GUCY1B1: variants seen among roughly 807,000 people sequenced by gnomAD.
The protein encoded by GUCY1B1 is guanylate cyclase 1 soluble subunit beta 1.
GUCY1B1 carries 43 observed loss-of-function variants against 71.0 expected under a neutral mutation model. That is an observed-to-expected ratio of 0.61 (90% confidence interval 0.47 to 0.78). The LOEUF (loss-of-function observed/expected upper bound fraction) is 0.78. GUCY1B1 is among the 30% of genes least tolerant of loss of function. The pLI is 0.00. For missense variants in GUCY1B1, 535 were observed against 754.1 expected (o/e 0.71, Z 3.40); for synonymous variants, 266 against 259.7 (o/e 1.02, Z -0.23).
intron 2 of GUCY1B1, among the ~76,000 whole-genome samples, chr4:155,763,198 A>AT (rs1560998304): frequency 6.6e-6 from 1 of 151,632 alleles, no homozygotes; most frequent in Non-Finnish European, 1.5e-5. Context: ...TTCTTTCCAT[A>AT]TTTTTTCTGG....
intron 8 of GUCY1B1, among the ~76,000 whole-genome samples, chr4:155,798,818 T>G (rs535595038): frequency 6.7e-6 from 1 of 149,994 alleles, no homozygotes; most frequent in South Asian, 2.2e-4. Context: ...TATGCCATTT[T>G]AACCAGTTAG....
rs769595692 is a variant in GUCY1B1, at chr4:155,759,129, G to C, written c.-12G>C. ...CGTGGGGGCTGCCTCCCCGGCTCCC[G>C]GTGCAGACACCATGGTAAGTGCTCT... is the stretch of plus-strand genomic sequence containing the variant. On this transcript the variant is annotated 5_prime_UTR_variant, in exon 1 of 14. Coordinates refer to ENST00000264424, the MANE Select transcript of GUCY1B1 (RefSeq NM_000857.5). 1.3e-6 allele frequency: 2 copies of C among 1,592,176 alleles called. No homozygotes were observed. The highest frequency in any genetic ancestry group is 1.7e-6 in the Non-Finnish European group (2 of 1,170,330).
In GUCY1B1 at chr4:155,759,149, T is replaced by C. The variant is rs1188970326; in HGVS notation, c.3+6T>C. On this transcript the variant is annotated splice_donor_region_variant and intron_variant, in intron 1 of 13. Coordinates refer to ENST00000264424, the MANE Select transcript of GUCY1B1 (RefSeq NM_000857.5). ...CTCCCGGTGCAGACACCATGGTAAG[T>C]GCTCTCAGCCGGGTGCGGCCCGAAC... 2.5e-6 allele frequency: 4 copies of C among 1,586,868 alleles called. No homozygotes were observed. In the South Asian group the frequency reaches 3.5e-5, roughly 14 times the overall value.
At chr4:155,790,503 A>G (rs1008457505) in intron 5 of GUCY1B1, among the ~76,000 whole-genome samples, 1 of 152,134 alleles carries the variant, frequency 6.6e-6, no homozygotes, top group African/African-American at 2.4e-5. Flanking sequence ...TGATAGGGCA[A>G]CCGTACAACA....
chr4:155,791,754 A>T (rs1334355194), intron 5 of GUCY1B1, among the ~76,000 whole-genome samples: 20 of 139,556 alleles, frequency 1.4e-4, no homozygotes, highest in Admixed American at 3.0e-4. Context: ...AAAAAAAAAA[A>T]AATAAAGCAA....
At chr4:155,786,862 G>A (rs1441944971) in intron 4 of GUCY1B1, among the ~76,000 whole-genome samples, 2 of 151,824 alleles carry the variant, frequency 1.3e-5, no homozygotes, top group African/African-American at 2.4e-5. Context: ...GCCTGCCTCC[G>A]CCTCCCAAAG....
chr4:155,802,369 T>A lies in GUCY1B1; in HGVS notation c.1203T>A (p.Ser401=), dbSNP rs769451064. ...DTLLYSVLPP[S]VANELRHKRP... ...TGCTGTATTCTGTCCTTCCTCCGTC[T>A]GTTGCCAATGAGCTGCGGCACAAGC... The change falls in exon 10 of 14, where the codon TCT becomes TCA. Residue 401 remains serine, a synonymous_variant. Coordinates refer to ENST00000264424, the MANE Select transcript of GUCY1B1 (RefSeq NM_000857.5). This position sits in a 1 kb window ranked among gnomAD's most constrained non-coding sequence, Gnocchi z 4.3. 6.2e-7 allele frequency: 1 copy of A among 1,613,804 alleles called. No individual in the cohort carries two copies. The highest frequency in any genetic ancestry group is 1.1e-5 in the South Asian group (1 of 91,076).
chr4:155,766,478 C>A (rs1737342902), intron 2 of GUCY1B1, among the ~76,000 whole-genome samples: 1 of 152,154 alleles, frequency 6.6e-6, no homozygotes, highest in Admixed American at 6.5e-5. Context: ...TAACAAATTT[C>A]AAGTATTCAT....
Position 155,773,143 on chromosome 4 carries a change from G to A in GUCY1B1, c.78-1825G>A, listed in dbSNP as rs1051920753. Among the ~76,000 whole-genome samples the A allele has an allele frequency of 5.3e-5, 8 of 152,326 alleles. No homozygotes were observed. The South Asian group carries it at 1.7e-3, about 32-fold the overall frequency. On this transcript the variant is annotated intron_variant, in intron 2 of 13. Transcript: ENST00000264424. ...CTTGGCAATGTACAGGGATTCCGAT[G>A]AATTGGATTGAGAGTAAGAGGTTGA...
Position 155,766,894 on chromosome 4 carries a change from A to G in GUCY1B1, c.77+7034A>G, listed in dbSNP as rs79443151. On this transcript the variant is annotated intron_variant, in intron 2 of 13. Transcript: ENST00000264424. ...CATGTCATGCTATTTCGAATGTAAT[A>G]TGTCACGTATATTAAACACATACCA... Among the ~76,000 whole-genome samples the G allele has an allele frequency of 7.4e-3, 1,127 of 152,310 alleles. 12 individuals are homozygous for G. The highest frequency in any genetic ancestry group is 0.013 in the Non-Finnish European group (868 of 68,018).
chr4:155,772,901 A>G, intron 2 of GUCY1B1: 2 of 665,616 alleles, frequency 3.0e-6, no homozygotes, highest in Non-Finnish European at 5.4e-6. Flanking sequence ...GATGTTTTTA[A>G]GACTATCTGC....
intron 4 of GUCY1B1, among the ~76,000 whole-genome samples, chr4:155,788,134 A>G (rs777305278): frequency 3.1e-4 from 47 of 152,230 alleles, no homozygotes; most frequent in Admixed American, 3.9e-4. Flanking sequence ...TTGGAAGTCC[A>G]TTGCAGGTCT....
At chr4:155,791,741 GAGAAA>G (rs1394502672) in intron 5 of GUCY1B1, among the ~76,000 whole-genome samples, 1 of 47,396 alleles carries the variant, frequency 2.1e-5, no homozygotes, top group Non-Finnish European at 5.1e-5. Flanking sequence ...CAAAAAAATA[GAGAAA>G]AAAAAAAAAA....
At position 155,775,016 on chromosome 4, in the gene GUCY1B1, A is replaced by G. The variant is rs759614230; in HGVS notation, c.126A>G (p.Ile42Met). 6.2e-7 allele frequency: 1 copy of G among 1,606,948 alleles called. No individual in the cohort carries two copies. The highest frequency in any genetic ancestry group is 2.2e-5 in the East Asian group (1 of 44,836). ...DEEGQFLVRI[I>M]YDDSKTYDLV... The stretch of plus-strand genomic sequence containing the variant: ...AAGGACAGTTTCTTGTCAGAATAAT[A>G]TATGATGACTCCAAAACTTATGATT... Residue 42 changes from isoleucine to methionine, a missense_variant, in exon 3 of 14, where the codon ATA becomes ATG. Physicochemically the swap from Ile to Met is conservative, Grantham distance 10. Transcript: ENST00000264424.
At chr4:155,777,377 C>T (rs532678344) in intron 3 of GUCY1B1, 147 bp from the exon 4 acceptor site, 27 of 607,480 alleles carry the variant, frequency 4.4e-5, no homozygotes, top group Admixed American at 3.2e-4. Flanking sequence ...ATTGTCCTGG[C>T]GGGATTTTTT....
At chr4:155,803,593 A>G (rs1235068562) in intron 10 of GUCY1B1, 31 bp from the exon 11 acceptor site, 1 of 1,403,274 alleles carries the variant, frequency 7.1e-7, no homozygotes, top group African/African-American at 1.5e-5. Flanking sequence ...TTTTATGCTA[A>G]CCGTGAACAT....
intron 2 of GUCY1B1, among the ~76,000 whole-genome samples, chr4:155,773,659 C>CTTTTAGTTGCTT (rs1403304724): frequency 6.6e-6 from 1 of 152,168 alleles, no homozygotes; most frequent in Non-Finnish European, 1.5e-5. Context: ...TTGCTTAGAC[C>CTTTTAGTTGCTT]AAAAACCTCA....
intron 2 of GUCY1B1, among the ~76,000 whole-genome samples, chr4:155,762,597 T>G (rs978205233): frequency 6.6e-6 from 1 of 152,148 alleles, no homozygotes; most frequent in East Asian, 1.9e-4. Context: ...AGTATCCACT[T>G]ACACTCTTAC....
intron 6 of GUCY1B1, among the ~76,000 whole-genome samples, 195 bp from the exon 7 acceptor site, chr4:155,795,142 CTATT>C (rs1369035051): frequency 1.3e-5 from 2 of 152,118 alleles, no homozygotes; most frequent in Non-Finnish European, 2.9e-5. Flanking sequence ...GTTCTTGTAA[CTATT>C]TAATGTCCAT....
Sources: gnomAD v4.1 joint callset for allele counts (sites outside exome capture counted in the v4.1 genomes callset) on GRCh38, gnomAD v4.1.1 for gene constraint, Gnocchi (gnomAD v3.1) non-coding constraint, MANE v1.5 for transcripts, NCBI Gene and HGNC (gene_info 2026-07-23, HGNC 2026-07-21) for gene names.